Variants in SERAC1 observed in about 807,000 individuals in gnomAD.
SERAC1 encodes the protein protein SERAC1.
Under a neutral mutation model 85.7 loss-of-function variants are expected in SERAC1, and 36 were observed. The observed-to-expected ratio is 0.42, with a 90% CI of 0.32 to 0.55. SERAC1 has a LOEUF of 0.55. Ranked by LOEUF, SERAC1 falls within the 20% of genes least tolerant of loss-of-function variation. The probability of loss-of-function intolerance (pLI) is 0.11; values close to 1 mark genes in which losing one functional copy is unlikely to be tolerated. For missense variants in SERAC1, 629 were observed against 796.2 expected (o/e 0.79, Z 2.53); for synonymous variants, 242 against 265.3 (o/e 0.91, Z 0.85).
chr6:158,118,996 A>T, intron 12 of SERAC1, 33 bp downstream of exon 12: 9 of 1,588,904 alleles, frequency 5.7e-6, no homozygotes, highest in Non-Finnish European at 7.7e-6. Context: ...CCAGGGCCCC[A>T]GCAACCAGGG....
At position 158,159,575 on chromosome 6, in the gene SERAC1, T is replaced by C. The variant is rs146538606; in HGVS notation, c.-1-1211A>G. 3.2e-3 allele frequency among the ~76,000 whole-genome samples: 482 copies of C among 152,044 alleles called. 1 individual carries two copies. Among genetic ancestry groups the C allele is most frequent in the Middle Eastern group, 0.017 (5 of 292 alleles). On this transcript the variant is annotated intron_variant, in intron 1 of 16. Coordinates refer to ENST00000647468, the MANE Select transcript of SERAC1 (RefSeq NM_032861.4). ...TGTAATTTTTCTCTAATCTGTGAGC[T>C]GTTTAAGAGTGTAGCTTTTAGTTTC...
At position 158,120,477 on chromosome 6, in the gene SERAC1, GCA is replaced by G. The variant is rs1304454264; in HGVS notation, c.1112_1113del (p.Val371AlafsTer22). On this transcript the variant is annotated frameshift_variant, in exon 11 of 17. Transcript: ENST00000647468. LOFTEE classifies it high-confidence loss of function. The surrounding 1 kb of genome is among the most constrained non-coding windows in gnomAD (Gnocchi z 4.4). Reference sequence around the variant, plus strand: ...TATACGCCATCCTGATATTTTTCTTGCACAGTTTCTCGGTCTAGATTTGCCAG... The same window carrying G: ...TATACGCCATCCTGATATTTTTCTTGCAGTTTCTCGGTCTAGATTTGCCAG... ...RILANLDRETVQEKYQDGVYV... is the reference protein window; with the variant it reads ...RILANLDRETXQEKYQDGVYV... 4 of 1,613,782 alleles carry G rather than the reference GCA, an allele frequency of 2.5e-6. No homozygotes were observed. The South Asian group carries it at 4.4e-5, about 18-fold the overall frequency.
rs770244540 is a variant in SERAC1 at position 158,113,600 on chromosome 6, A to G, written c.1685-8T>C. The G allele has an allele frequency of 2.5e-6, 4 of 1,611,736 alleles. No homozygotes were observed. In the South Asian group the frequency reaches 4.4e-5, roughly 18 times the overall value. The stretch of plus-strand genomic sequence containing the variant: ...TTTTAAGTGCAGGAGAATCTGTAAA[A>G]TTATACAGAACAAGACTGTGACAAG... On this transcript the variant is annotated splice_polypyrimidine_tract_variant and splice_region_variant and intron_variant, in intron 15 of 16. Transcript: ENST00000647468.
intron 16 of SERAC1, chr6:158,112,264 T>G (rs113148611): frequency 6.6e-6 from 1 of 152,230 alleles, no homozygotes; most frequent in Non-Finnish European, 1.5e-5. Flanking sequence ...ATTTAAAAAT[T>G]TAGACAGGTG....
At chr6:158,152,067 G>C (rs1037297698) in intron 3 of SERAC1, among the ~76,000 whole-genome samples, 2 of 152,034 alleles carry the variant, frequency 1.3e-5, no homozygotes, top group Admixed American at 6.6e-5. Flanking sequence ...AATTATTGAA[G>C]AAAAAAATAT....
rs1784377829 is a variant in SERAC1 at position 158,119,820 on chromosome 6, T to C, written c.1166+605A>G. ...ATTTTCTGAGGTACTTTTTGTAAAG[T>C]GCCCTAAGAAAACCAAGAAATATGT... On this transcript the variant is annotated intron_variant, in intron 11 of 16. Transcript: ENST00000647468. This position sits in a 1 kb window ranked among gnomAD's most constrained non-coding sequence, Gnocchi z 4.5. Among the ~76,000 whole-genome samples the C allele has an allele frequency of 6.6e-6, 1 of 152,222 alleles. No individual in the cohort carries two copies. The highest frequency in any genetic ancestry group is 2.4e-5 in the African/African-American group (1 of 41,466).
In SERAC1 at chr6:158,120,337, T is replaced by A. The variant is rs1033338728; in HGVS notation, c.1166+88A>T. 1.5e-6 allele frequency: 2 copies of A among 1,317,382 alleles called. No individual in the cohort carries two copies. The highest frequency in any genetic ancestry group is 3.0e-5 in the African/African-American group (2 of 67,592). The allele number at this position is 1,317,382 out of a possible 1,614,324, so 81.6% of individuals were successfully genotyped here. On this transcript the variant is annotated intron_variant, in intron 11 of 16. Coordinates refer to ENST00000647468, the MANE Select transcript of SERAC1 (RefSeq NM_032861.4). This position sits in a 1 kb window ranked among gnomAD's most constrained non-coding sequence, Gnocchi z 4.4. ...TGACTTATAAGTTATTTAACTTATCTGAATTATGCAGAAATAAGTTAAAAA... is the reference window on the plus strand; with the variant it reads ...TGACTTATAAGTTATTTAACTTATCAGAATTATGCAGAAATAAGTTAAAAA...
intron 3 of SERAC1, 130 bp downstream of exon 3, chr6:158,155,185 G>A: frequency 3.2e-6 from 2 of 616,166 alleles, no homozygotes; most frequent in Non-Finnish European, 5.8e-6. Flanking sequence ...TGGGATCAGT[G>A]ATTAAATCCA....
chr6:158,123,527 A>G (rs1016541505), intron 10 of SERAC1, among the ~76,000 whole-genome samples: 1 of 152,218 alleles, frequency 6.6e-6, no homozygotes, highest in Non-Finnish European at 1.5e-5. Context: ...GAACACGTAG[A>G]AGGTTTACAA....
intron 1 of SERAC1, chr6:158,158,587 A>G (rs970928311): frequency 2.7e-5 from 11 of 413,164 alleles, no homozygotes; most frequent in African/African-American, 4.1e-5. Context: ...TCTTCCTCAC[A>G]CTGTGTCCAA....
chr6:158,132,711 T>C (rs1784706465), intron 8 of SERAC1, among the ~76,000 whole-genome samples: 1 of 152,212 alleles, frequency 6.6e-6, no homozygotes, highest in Non-Finnish European at 1.5e-5. Context: ...TTGGCGAAGC[T>C]TGTTACCTAT....
At chr6:158,136,319 T>C (rs2128417736) in intron 8 of SERAC1, among the ~76,000 whole-genome samples, 1 of 152,334 alleles carries the variant, frequency 6.6e-6, no homozygotes, top group Non-Finnish European at 1.5e-5. Context: ...TTTGTTTCCT[T>C]TGTAATCTTA....
At position 158,144,279 on chromosome 6, in the gene SERAC1, A is replaced by G. The variant is rs758054245; in HGVS notation, c.609+20T>C. ...ACCATTTTTCACTCTCTAAATTACT[A>G]TTATTATTGTTTTACTTACTTCTTT... On this transcript the variant is annotated intron_variant, in intron 7 of 16. Coordinates refer to ENST00000647468, the MANE Select transcript of SERAC1 (RefSeq NM_032861.4). 4 of 1,582,090 alleles carry G rather than the reference A, an allele frequency of 2.5e-6. No homozygotes were observed. The highest frequency in any genetic ancestry group is 3.5e-6 in the Non-Finnish European group (4 of 1,155,666).
In SERAC1 at chr6:158,150,487, C is replaced by A; in HGVS notation, c.231G>T (p.Val77=). The A allele has an allele frequency of 6.3e-7, 1 of 1,576,916 alleles. No individual in the cohort carries two copies. Among genetic ancestry groups the A allele is most frequent in the Non-Finnish European group, 8.7e-7 (1 of 1,147,460 alleles). Residue 77 remains valine, a synonymous_variant, in exon 4 of 17, where the codon GTG becomes GTT. Transcript: ENST00000647468. ...CTCCTTTGTCTAAAGAAACTGTGTGCACATATATATATGACTTCATTTTTT... is the reference window on the plus strand; with the variant it reads ...CTCCTTTGTCTAAAGAAACTGTGTGAACATATATATATGACTTCATTTTTT... ...EREKMKSYIY[V]HTVSLDKGEN...
chr6:158,131,309 ATATT>A (rs1784666695), intron 8 of SERAC1, among the ~76,000 whole-genome samples: 2 of 147,454 alleles, frequency 1.4e-5, no homozygotes, highest in Non-Finnish European at 3.0e-5. Context: ...TATATATTAT[ATATT>A]TATATATTGT....
chr6:158,120,782 C>T lies in SERAC1; in HGVS notation c.1016-207G>A, dbSNP rs1784401667. ...ACCATCCACATACCCCTTAAGGGAC[C>T]TCAAAGAAGGAAAGAGGGGTTGAAG... On this transcript the variant is annotated intron_variant, in intron 10 of 16. Transcript: ENST00000647468. This position sits in a 1 kb window ranked among gnomAD's most constrained non-coding sequence, Gnocchi z 4.4. Among the ~76,000 whole-genome samples the T allele has an allele frequency of 6.6e-6, 1 of 152,122 alleles. No homozygotes were observed. The highest frequency in any genetic ancestry group is 2.1e-4 in the South Asian group (1 of 4,818).
intron 8 of SERAC1, 63 bp downstream of exon 8, chr6:158,142,993 G>C: frequency 7.4e-7 from 1 of 1,353,118 alleles, no homozygotes; most frequent in South Asian, 1.3e-5. Flanking sequence ...GCCAGCCACT[G>C]ACACAATACA....
intron 8 of SERAC1, among the ~76,000 whole-genome samples, chr6:158,131,663 G>C (rs557570667): frequency 1.3e-5 from 2 of 151,936 alleles, no homozygotes; most frequent in Non-Finnish European, 2.9e-5. Context: ...TCAATGGCAC[G>C]ACTTCTATGG....
At chr6:158,125,851 A>G (rs1784527300) in intron 10 of SERAC1, among the ~76,000 whole-genome samples, 1 of 152,186 alleles carries the variant, frequency 6.6e-6, no homozygotes, top group Non-Finnish European at 1.5e-5. Flanking sequence ...TCTTAATTCA[A>G]AGTAGACTGT....
Sources: gnomAD v4.1 joint callset for allele counts (sites outside exome capture counted in the v4.1 genomes callset) on GRCh38, gnomAD v4.1.1 for gene constraint, Gnocchi (gnomAD v3.1) non-coding constraint, MANE v1.5 for transcripts, NCBI Gene and HGNC (gene_info 2026-07-23, HGNC 2026-07-21) for gene names.